The following REDIC1 variants were observed in gnomAD, a reference collection of about 807,000 sequenced individuals.
The protein encoded by REDIC1 is regulator of DNA class I crossover intermediates 1.
At chr12:39,763,532 C>G in the REDIC1 span, among the ~76,000 whole-genome samples, 1 of 152,044 alleles carries the variant, frequency 6.6e-6, no homozygotes, top group African/African-American at 2.4e-5. Context: ...CCTGGCCCTC[C>G]AGGGATTTAT....
At chr12:39,777,910 G>A in the REDIC1 span, among the ~76,000 whole-genome samples, 1 of 152,210 alleles carries the variant, frequency 6.6e-6, no homozygotes, top group Admixed American at 6.5e-5. Flanking sequence ...GATACAGAAA[G>A]CCCTCTGTCC....
the REDIC1 span, among the ~76,000 whole-genome samples, chr12:39,697,957 T>C: frequency 1.3e-5 from 2 of 152,106 alleles, no homozygotes; most frequent in African/African-American, 2.4e-5. Flanking sequence ...TCAAAAGATA[T>C]AGAGTGGCTG....
chr12:39,872,600 G>A, the REDIC1 span, among the ~76,000 whole-genome samples: 2 of 152,228 alleles, frequency 1.3e-5, no homozygotes, highest in East Asian at 3.8e-4. Flanking sequence ...TTCGTGCTAA[G>A]TGAACTCACT....
the REDIC1 span, among the ~76,000 whole-genome samples, chr12:39,641,462 T>C: frequency 6.6e-6 from 1 of 151,662 alleles, no homozygotes; most frequent in Non-Finnish European, 1.5e-5. Context: ...GGGTCATTGT[T>C]ATGCTGAAAT....
the REDIC1 span, among the ~76,000 whole-genome samples, chr12:39,717,837 T>C: frequency 3.3e-5 from 5 of 152,108 alleles, no homozygotes; most frequent in African/African-American, 1.2e-4. Flanking sequence ...TTTTATGTCT[T>C]CTTGCTTGTT....
At chr12:39,726,049 C>T in the REDIC1 span, among the ~76,000 whole-genome samples, 1 of 152,044 alleles carries the variant, frequency 6.6e-6, no homozygotes, top group Non-Finnish European at 1.5e-5. Context: ...TTTGCCTTTT[C>T]AAAACAACTT....
the REDIC1 span, among the ~76,000 whole-genome samples, chr12:39,733,884 C>T: frequency 2.0e-5 from 3 of 152,188 alleles, no homozygotes; most frequent in Non-Finnish European, 4.4e-5. Flanking sequence ...AGCTCCCTGG[C>T]TTCAGCCCCC....
At chr12:39,649,751 G>T in the REDIC1 span, among the ~76,000 whole-genome samples, 2 of 151,868 alleles carry the variant, frequency 1.3e-5, no homozygotes, top group African/African-American at 4.8e-5. Context: ...TTAACAAATT[G>T]ATTATCTTCT....
the REDIC1 span, among the ~76,000 whole-genome samples, chr12:39,815,016 G>A: frequency 5.9e-5 from 9 of 151,440 alleles, no homozygotes; most frequent in South Asian, 1.9e-3. Flanking sequence ...GATCTTAGAT[G>A]GTAAGCAAGA....
the REDIC1 span, among the ~76,000 whole-genome samples, chr12:39,664,933 T>G: frequency 6.6e-6 from 1 of 152,246 alleles, no homozygotes; most frequent in Non-Finnish European, 1.5e-5. Flanking sequence ...GTTTTTTTCT[T>G]GTAAATTTTT....
chr12:39,840,603 C>T, the REDIC1 span, among the ~76,000 whole-genome samples: 934 of 152,042 alleles, frequency 6.1e-3, 11 homozygotes, highest in African/African-American at 0.021. Flanking sequence ...TGTTACTTTC[C>T]ACCTTATCTT....
chr12:39,895,741 C>T, the REDIC1 span, among the ~76,000 whole-genome samples: 28 of 6,562 alleles, frequency 4.3e-3, no homozygotes, highest in South Asian at 0.021. Flanking sequence ...TACGTACACA[C>T]ATGTATATGC....
the REDIC1 span, among the ~76,000 whole-genome samples, chr12:39,804,300 A>T: frequency 6.6e-6 from 1 of 152,212 alleles, no homozygotes; most frequent in Non-Finnish European, 1.5e-5. Flanking sequence ...TGTCATTATA[A>T]TAAAATGTTC....
the REDIC1 span, among the ~76,000 whole-genome samples, chr12:39,857,400 G>A: frequency 6.6e-6 from 1 of 152,156 alleles, no homozygotes; most frequent in African/African-American, 2.4e-5. Flanking sequence ...CTTGCCCTAA[G>A]TATTTTCCAG....
At chr12:39,646,199 T>G in the REDIC1 span, 1 of 309,482 alleles carries the variant, frequency 3.2e-6, no homozygotes, top group African/African-American at 2.2e-5. Flanking sequence ...ATTTTAGCAC[T>G]GATAGAATGT....
At chr12:39,901,324 AG>A in the REDIC1 span, among the ~76,000 whole-genome samples, 1 of 152,098 alleles carries the variant, frequency 6.6e-6, no homozygotes, top group African/African-American at 2.4e-5. Context: ...TGGCAACAAA[AG>A]CCAAAATTGA....
At chr12:39,893,063 G>T in the REDIC1 span, among the ~76,000 whole-genome samples, 1 of 152,068 alleles carries the variant, frequency 6.6e-6, no homozygotes, top group Non-Finnish European at 1.5e-5. Flanking sequence ...AGGAAACCAT[G>T]ATAATTTAGT....
the REDIC1 span, among the ~76,000 whole-genome samples, chr12:39,730,043 T>C: frequency 6.6e-6 from 1 of 152,196 alleles, no homozygotes; most frequent in Non-Finnish European, 1.5e-5. Context: ...ATTTTGAGCC[T>C]ATGTGTGTCT....
At chr12:39,805,770 G>T in the REDIC1 span, among the ~76,000 whole-genome samples, 460 of 152,318 alleles carry the variant, frequency 3.0e-3, 1 homozygote, top group African/African-American at 0.011. Flanking sequence ...AACCAGATCT[G>T]AGTGGGCAAG....
Sources: allele counts gnomAD v4.1 joint callset (sites outside exome capture counted in the v4.1 genomes callset), GRCh38; gene constraint gnomAD v4.1.1; transcripts MANE v1.5; gene names NCBI Gene and HGNC (gene_info 2026-07-23, HGNC 2026-07-21).